Variants in CSMD1 observed in about 807,000 individuals in gnomAD.
CSMD1 encodes the protein CUB and Sushi multiple domains 1, also known as CUB and sushi domain-containing protein 1.
In CSMD1, 213 loss-of-function variants were observed where a neutral mutation model predicts 417.5. The observed-to-expected ratio is 0.51, with a 90% CI of 0.46 to 0.57. CSMD1 has a LOEUF of 0.57. Among genes scored for constraint, CSMD1 ranks in the 20% least tolerant of loss-of-function variants. The pLI is 0.00. For synonymous variants in CSMD1, 2,862 were observed against 1,736.8 expected (o/e 1.65, Z -16.11); for missense variants, 6,923 against 4,529.7 (o/e 1.53, Z -15.17).
intron 3 of CSMD1, among the ~76,000 whole-genome samples, chr8:4,056,725 C>T (rs895430662): frequency 6.6e-6 from 1 of 151,948 alleles, no homozygotes; most frequent in Non-Finnish European, 1.5e-5. Context: ...GTGATGTACC[C>T]CTTCCTGTGT....
rs535502152 is a variant in CSMD1 at position 3,400,683 on chromosome 8, T to G, written c.2267-1154A>C. Among the ~76,000 whole-genome samples the G allele has an allele frequency of 1.4e-4, 21 of 151,966 alleles. 1 individual carries two copies. In the East Asian group the frequency reaches 2.5e-3, roughly 18 times the overall value. ...TTAAACTTGAAAAGTGGATAAAAAATTGTCCATCTGTTATAAATGTAATAA... is the reference window on the plus strand; with the variant it reads ...TTAAACTTGAAAAGTGGATAAAAAAGTGTCCATCTGTTATAAATGTAATAA... On this transcript the variant is annotated intron_variant, in intron 15 of 69. Transcript: ENST00000635120.
intron 20 of CSMD1, among the ~76,000 whole-genome samples, chr8:3,365,149 G>C (rs539052225): frequency 2.0e-5 from 3 of 152,172 alleles, no homozygotes; most frequent in Non-Finnish European, 2.9e-5. Flanking sequence ...AGGGATTTAG[G>C]AATTAGTGTT....
chr8:4,855,510 CT>C (rs1339721710), intron 1 of CSMD1, among the ~76,000 whole-genome samples: 3 of 151,956 alleles, frequency 2.0e-5, no homozygotes, highest in African/African-American at 7.3e-5. Context: ...AAGTTGAAAA[CT>C]TTGAAAAAAA....
chr8:3,280,531 C>A (rs943623839), intron 26 of CSMD1, among the ~76,000 whole-genome samples: 2 of 152,072 alleles, frequency 1.3e-5, no homozygotes, highest in Admixed American at 6.5e-5. Flanking sequence ...TATATTCTAG[C>A]CCCTAAATGA....
chr8:4,975,560 A>C (rs1488928472), intron 1 of CSMD1, among the ~76,000 whole-genome samples: 4 of 152,204 alleles, frequency 2.6e-5, no homozygotes, highest in Non-Finnish European at 4.4e-5. Flanking sequence ...GGAAGGTCCC[A>C]AAACTGGAAT....
At chr8:4,108,035 G>A (rs570376743) in intron 3 of CSMD1, among the ~76,000 whole-genome samples, 1 of 151,736 alleles carries the variant, frequency 6.6e-6, no homozygotes, top group Non-Finnish European at 1.5e-5. Flanking sequence ...GAGAGAGAGA[G>A]AGAGAAAGAG....
At chr8:3,400,144 G>C (rs1019994827) in intron 15 of CSMD1, among the ~76,000 whole-genome samples, 2 of 152,142 alleles carry the variant, frequency 1.3e-5, no homozygotes, top group Non-Finnish European at 2.9e-5. Flanking sequence ...AAGTTTGAAA[G>C]GGTATATAAT....
chr8:3,059,108 G>A (rs17079216), intron 49 of CSMD1, among the ~76,000 whole-genome samples: 20,901 of 151,748 alleles, frequency 0.14, 1,601 homozygotes, highest in African/African-American at 0.22. Context: ...GAGACCATAG[G>A]AGACGCTGCA....
chr8:4,156,385 G>C (rs141281657), intron 3 of CSMD1, among the ~76,000 whole-genome samples: 1 of 152,104 alleles, frequency 6.6e-6, no homozygotes, highest in Non-Finnish European at 1.5e-5. Context: ...GAAGCCAATG[G>C]CAAGTCCATA....
chr8:4,812,584 C>G (rs1585140917), intron 1 of CSMD1, among the ~76,000 whole-genome samples: 1 of 151,622 alleles, frequency 6.6e-6, no homozygotes, highest in Admixed American at 6.6e-5. Flanking sequence ...ATATTAAAGT[C>G]AATCCAAGCA....
At chr8:3,300,345 A>G (rs1804294582) in intron 25 of CSMD1, among the ~76,000 whole-genome samples, 1 of 150,050 alleles carries the variant, frequency 6.7e-6, no homozygotes, top group Admixed American at 6.7e-5. Flanking sequence ...AAGATTACAG[A>G]AAACTACATT....
intron 17 of CSMD1, among the ~76,000 whole-genome samples, chr8:3,395,531 G>A (rs1240755325): frequency 6.6e-6 from 1 of 152,140 alleles, no homozygotes; most frequent in Non-Finnish European, 1.5e-5. Context: ...TTTGATTTCA[G>A]TAAACAAGGG....
intron 3 of CSMD1, among the ~76,000 whole-genome samples, chr8:4,042,435 A>G (rs1797938272): frequency 1.3e-5 from 2 of 152,110 alleles, no homozygotes; most frequent in African/African-American, 4.8e-5. Context: ...ATCAATCTAA[A>G]TAAATTTATA....
chr8:4,650,289 G>A (rs1438201402), intron 1 of CSMD1, among the ~76,000 whole-genome samples: 2 of 145,870 alleles, frequency 1.4e-5, no homozygotes, highest in Non-Finnish European at 3.0e-5. Flanking sequence ...AGCTTGCAGT[G>A]AGCCTAGATG....
At chr8:4,203,494 G>C (rs918309013) in intron 3 of CSMD1, among the ~76,000 whole-genome samples, 2 of 152,066 alleles carry the variant, frequency 1.3e-5, no homozygotes, top group East Asian at 1.9e-4. Context: ...GTTTATTCTC[G>C]ATGAGCAAAC....
chr8:3,088,301 C>G (rs541960865), intron 48 of CSMD1, among the ~76,000 whole-genome samples: 16 of 152,304 alleles, frequency 1.1e-4, no homozygotes, highest in African/African-American at 3.4e-4. Context: ...CACTACTACA[C>G]AAAATCCTAG....
chr8:4,215,680 A>C (rs1307052259), intron 3 of CSMD1, among the ~76,000 whole-genome samples: 1 of 152,230 alleles, frequency 6.6e-6, no homozygotes, highest in Non-Finnish European at 1.5e-5. Flanking sequence ...TTCTAAAAAC[A>C]CAGACTTTAA....
intron 6 of CSMD1, among the ~76,000 whole-genome samples, chr8:3,742,330 A>G (rs1260485232): frequency 1.3e-5 from 2 of 152,210 alleles, no homozygotes; most frequent in Admixed American, 6.5e-5. Flanking sequence ...GAGACAGTCC[A>G]TAACTTACAT....
intron 7 of CSMD1, among the ~76,000 whole-genome samples, chr8:3,678,381 GTGA>G (rs1401085915): frequency 6.6e-6 from 1 of 152,170 alleles, no homozygotes; most frequent in Non-Finnish European, 1.5e-5. Context: ...CGGGAACTAC[GTGA>G]TGAATGCACA....
Sources: allele counts gnomAD v4.1 joint callset (sites outside exome capture counted in the v4.1 genomes callset), GRCh38; gene constraint gnomAD v4.1.1; transcripts MANE v1.5; gene names NCBI Gene and HGNC (gene_info 2026-07-23, HGNC 2026-07-21).